KAT6B: variants seen among roughly 807,000 people sequenced by gnomAD.
KAT6B encodes lysine acetyltransferase 6B, also known as histone acetyltransferase KAT6B.
A neutral mutation model predicts 187.5 loss-of-function variants in KAT6B; 10 were observed. The observed-to-expected ratio is 0.05, with a 90% CI of 0.03 to 0.09. KAT6B has a LOEUF of 0.09. Among genes scored for constraint, KAT6B ranks in the 10% least tolerant of loss-of-function variants. The pLI, the probability that KAT6B is intolerant of heterozygous loss-of-function variation, is 1.00. For synonymous variants in KAT6B, 861 were observed against 926.8 expected, an observed-to-expected ratio of 0.93 and a Z score of 1.29; for missense variants, 1,952 against 2,558.9, an observed-to-expected ratio of 0.76 and a Z score of 5.12.
rs1225466190 is a variant in KAT6B, at chr10:75,030,317, A to G, written c.5493A>G (p.Ser1831=). 2.5e-6 allele frequency: 4 copies of G among 1,614,120 alleles called. No individual in the cohort carries two copies. Among genetic ancestry groups the G allele is most frequent in the Non-Finnish European group, 3.4e-6 (4 of 1,180,044 alleles). Reference sequence around the variant, plus strand: ...TAACTAATACACTTATTGATCATTCATTGCCTTACAGCCATTCCGCTGCTG... The same window carrying G: ...TAACTAATACACTTATTGATCATTCGTTGCCTTACAGCCATTCCGCTGCTG... ...QQLTNTLIDH[S]LPYSHSAAVT... The change falls in exon 18 of 18, where the codon TCA becomes TCG. Residue 1831 remains serine, a synonymous_variant. Transcript: ENST00000287239. The surrounding 1 kb of genome is among the most constrained non-coding windows in gnomAD (Gnocchi z 4.8).
In KAT6B at chr10:74,977,420, C is replaced by G. The variant is rs138048388; in HGVS notation, c.2098C>G (p.Gln700Glu). ...EEDLDVFKQA[Q>E]ELSWEKIECE... ...GGATTTGGATGTTTTTAAGCAGGCC[C>G]AGGAACTTTCTTGGGAGGTAAGGCG... The change falls in exon 9 of 18, where the codon CAG becomes GAG. Residue 700 changes from glutamine (Q) to glutamate (E), a missense_variant. By Grantham distance (29) the Gln-to-Glu change is conservative. Transcript: ENST00000287239. 6.2e-7 allele frequency: 1 copy of G among 1,613,820 alleles called. No homozygotes were observed. The highest frequency in any genetic ancestry group is 1.3e-5 in the African/African-American group (1 of 75,040).
intron 4 of KAT6B, among the ~76,000 whole-genome samples, chr10:74,965,408 G>T (rs941934641): frequency 6.6e-6 from 1 of 152,128 alleles, no homozygotes; most frequent in Non-Finnish European, 1.5e-5. Flanking sequence ...TGTCTTTCCT[G>T]CTGGGCTATG....
rs756668320 is a variant in KAT6B at position 74,843,220 on chromosome 10, G to A, written c.363G>A (p.Pro121=). 1.2e-5 allele frequency: 20 copies of A among 1,613,978 alleles called. No homozygotes were observed. Among genetic ancestry groups the A allele is most frequent in the Admixed American group, 5.0e-5 (3 of 59,996 alleles). ...GAGCAATTGAAGGACTTGAGGAGCC[G>A]AATGGCTCCTCCCTGAAGAACATAG... ...LRRAIEGLEE[P]NGSSLKNIEK... Residue 121 remains proline (P), a synonymous_variant, in exon 3 of 18, where the codon CCG becomes CCA. Transcript: ENST00000287239.
intron 3 of KAT6B, among the ~76,000 whole-genome samples, chr10:74,947,649 G>A (rs1382936838): frequency 1.3e-5 from 2 of 152,064 alleles, no homozygotes; most frequent in Non-Finnish European, 2.9e-5. Context: ...CCAAAATAAT[G>A]GGCTTTTTCT....
chr10:74,882,985 G>GTA (rs1265684191), intron 3 of KAT6B, among the ~76,000 whole-genome samples: 4 of 152,002 alleles, frequency 2.6e-5, no homozygotes, highest in African/African-American at 4.8e-5. Context: ...GTGAATAATA[G>GTA]TATATATATA....
chr10:74,969,885 C>T (rs951482074), intron 5 of KAT6B, 110 bp downstream of exon 5: 5 of 980,628 alleles, frequency 5.1e-6, no homozygotes, highest in African/African-American at 4.8e-5. Context: ...TTTAAATACA[C>T]ATGATGTCAA....
intron 3 of KAT6B, among the ~76,000 whole-genome samples, chr10:74,920,719 T>A (rs543847116): frequency 6.6e-6 from 1 of 152,336 alleles, no homozygotes; most frequent in South Asian, 2.1e-4. Flanking sequence ...AGTTGACTGA[T>A]CAAGGGGCAA....
At chr10:74,869,534 C>T (rs1479563640) in intron 3 of KAT6B, among the ~76,000 whole-genome samples, 5 of 152,166 alleles carry the variant, frequency 3.3e-5, no homozygotes, top group Admixed American at 1.3e-4. Context: ...AATCTGCCTG[C>T]CTGGGCCTCC....
intron 3 of KAT6B, among the ~76,000 whole-genome samples, chr10:74,942,408 T>C (rs1010678821): frequency 6.6e-6 from 1 of 152,122 alleles, no homozygotes; most frequent in Non-Finnish European, 1.5e-5. Context: ...CCATTAATGA[T>C]ATAAACTCTT....
chr10:74,895,109 A>T (rs552096735), intron 3 of KAT6B, among the ~76,000 whole-genome samples: 2 of 147,944 alleles, frequency 1.4e-5, no homozygotes, highest in South Asian at 2.2e-4. Flanking sequence ...ATATTTCATT[A>T]TGGTTTTGAT....
chr10:74,954,598 C>T (rs911215857), intron 3 of KAT6B, among the ~76,000 whole-genome samples: 4 of 152,164 alleles, frequency 2.6e-5, no homozygotes, highest in Non-Finnish European at 2.9e-5. Flanking sequence ...ACCCTTTCAC[C>T]TGGATGAAGA....
At chr10:74,842,554 G>A in intron 2 of KAT6B, 46 bp from the exon 3 acceptor site, 2 of 572,220 alleles carry the variant, frequency 3.5e-6, no homozygotes, top group Non-Finnish European at 6.1e-6. Flanking sequence ...GTTTATTTGT[G>A]TAAGCTTCAT....
chr10:74,842,917 A>C lies in KAT6B; in HGVS notation c.60A>C (p.Ile20=). ...TEWILEAIQK[I]KKQKQRPSEE... ...GGATTCTTGAAGCTATACAGAAAAT[A>C]AAAAAGCAAAAGCAAAGGCCCTCTG... The change falls in exon 3 of 18, where the codon ATA becomes ATC. Residue 20 remains isoleucine (I), a synonymous_variant. Transcript: ENST00000287239. 1 of 1,614,226 alleles carries C rather than the reference A, an allele frequency of 6.2e-7. No individual in the cohort carries two copies. Among genetic ancestry groups the C allele is most frequent in the South Asian group, 1.1e-5 (1 of 91,088 alleles).
intron 3 of KAT6B, among the ~76,000 whole-genome samples, chr10:74,946,264 CTG>C (rs1385574123): frequency 6.6e-6 from 1 of 152,114 alleles, no homozygotes. Context: ...TCTTAATGGT[CTG>C]TAGTTATATC....
chr10:75,019,485 C>T (rs1446950024), intron 13 of KAT6B, among the ~76,000 whole-genome samples: 2 of 152,122 alleles, frequency 1.3e-5, no homozygotes, highest in Non-Finnish European at 2.9e-5. Flanking sequence ...CTTGAGAATG[C>T]AGCCATTTTG....
intron 1 of KAT6B, among the ~76,000 whole-genome samples, chr10:74,837,448 A>T (rs1841384445): frequency 6.6e-6 from 1 of 152,242 alleles, no homozygotes; most frequent in African/African-American, 2.4e-5. Context: ...AAAAAAAATG[A>T]AAAGAGAATA....
At chr10:74,932,424 T>C (rs1848948891) in intron 3 of KAT6B, among the ~76,000 whole-genome samples, 1 of 152,158 alleles carries the variant, frequency 6.6e-6, no homozygotes, top group Non-Finnish European at 1.5e-5. Flanking sequence ...GGAATCAAAC[T>C]CAGTGAGTCT....
chr10:74,957,771 C>A (rs1840791741), intron 3 of KAT6B, among the ~76,000 whole-genome samples: 1 of 152,160 alleles, frequency 6.6e-6, no homozygotes, highest in African/African-American at 2.4e-5. Context: ...CCAGATTGTT[C>A]TTTTAATTGC....
At chr10:75,025,332 G>A (rs1185296153) in intron 17 of KAT6B, 83 bp downstream of exon 17, 8 of 1,415,656 alleles carry the variant, frequency 5.7e-6, no homozygotes, top group Non-Finnish European at 6.9e-6. Flanking sequence ...CTGGCGTGAT[G>A]CCCAGAGGCA....
Sources: allele counts gnomAD v4.1 joint callset (sites outside exome capture counted in the v4.1 genomes callset), GRCh38; gene constraint gnomAD v4.1.1; non-coding constraint Gnocchi (gnomAD v3.1); transcripts MANE v1.5; gene names NCBI Gene and HGNC (gene_info 2026-07-23, HGNC 2026-07-21).